STRN: variants seen among roughly 807,000 people sequenced by gnomAD.
The protein encoded by STRN is protein phosphatase 2 regulatory subunit B'''alpha.
STRN carries 53 observed loss-of-function variants against 96.3 expected under a neutral mutation model. The observed-to-expected ratio is 0.55, with a 90% CI of 0.44 to 0.69. The LOEUF (loss-of-function observed/expected upper bound fraction) is 0.69. STRN is among the 30% of genes least tolerant of loss of function. STRN has a pLI of 0.00. For missense variants in STRN, 987 were observed against 963.9 expected, an observed-to-expected ratio of 1.02 and a Z score of -0.32; for synonymous variants, 428 against 355.9, an observed-to-expected ratio of 1.20 and a Z score of -2.28.
chr2:36,861,098 T>C (rs1273691618), intron 13 of STRN, 34 bp downstream of exon 13: 1 of 1,604,244 alleles, frequency 6.2e-7, no homozygotes, highest in South Asian at 1.1e-5. Context: ...AAAAAACCAA[T>C]TTTATTCCTT....
Position 36,858,008 on chromosome 2 carries a change from C to A in STRN, c.1685G>T (p.Arg562Leu), listed in dbSNP as rs1388297865. The A allele has an allele frequency of 3.7e-6, 6 of 1,602,272 alleles. No individual in the cohort carries two copies. Among genetic ancestry groups the A allele is most frequent in the Non-Finnish European group, 3.4e-6 (4 of 1,173,390 alleles). ...ATCCGTGTGGCCTAGCAGAGGGCCT[C>A]GTAAAACAGAAGGATCTATACAAAA... The part of the protein sequence containing the change: ...PYDSYDPSVL[R>L]GPLLGHTDAV... Residue 562 changes from arginine (R) to leucine (L), a missense_variant, in exon 14 of 18, where the codon CGA becomes CTA. Coordinates refer to ENST00000263918, the MANE Select transcript of STRN (RefSeq NM_003162.4).
intron 1 of STRN, among the ~76,000 whole-genome samples, chr2:36,931,892 C>G (rs1235319480): frequency 6.6e-6 from 1 of 151,086 alleles, no homozygotes; most frequent in Admixed American, 6.6e-5. Flanking sequence ...GCAGTCATAG[C>G]TCACAGCAGC....
At chr2:36,893,424 A>T (rs1446204348) in intron 7 of STRN, among the ~76,000 whole-genome samples, 1 of 110,476 alleles carries the variant, frequency 9.1e-6, no homozygotes, top group Non-Finnish European at 2.0e-5. Flanking sequence ...GGTGTTTAAA[A>T]TATTTGATTT....
chr2:36,956,315 G>C (rs1424210198), intron 1 of STRN, among the ~76,000 whole-genome samples: 1 of 152,042 alleles, frequency 6.6e-6, no homozygotes, highest in Non-Finnish European at 1.5e-5. Context: ...AAACCTTACA[G>C]CGATCCTGCT....
At position 36,848,976 on chromosome 2, in the gene STRN, G is replaced by A. The variant is rs1331442780; in HGVS notation, c.*480C>T. ...ACACTGCCTGGTCATTATACACAAA[G>A]GGGTTAATATGGCAGATATGATAAA... On this transcript the variant is annotated 3_prime_UTR_variant, in exon 18 of 18. Coordinates refer to ENST00000263918, the MANE Select transcript of STRN (RefSeq NM_003162.4). 1.3e-5 allele frequency: 2 copies of A among 155,574 alleles called. No homozygotes were observed. Among genetic ancestry groups the A allele is most frequent in the Non-Finnish European group, 2.9e-5 (2 of 69,928 alleles). The allele number at this position is 155,574 out of a possible 1,614,324, so 9.6% of individuals were successfully genotyped here.
At chr2:36,963,877 A>T (rs1665088955) in intron 1 of STRN, among the ~76,000 whole-genome samples, 1 of 145,002 alleles carries the variant, frequency 6.9e-6, no homozygotes, top group Non-Finnish European at 1.6e-5. Context: ...GGATTGCTTA[A>T]ACTTGGGAGG....
At chr2:36,889,710 T>C (rs922078210) in intron 7 of STRN, among the ~76,000 whole-genome samples, 1 of 152,202 alleles carries the variant, frequency 6.6e-6, no homozygotes, top group South Asian at 2.1e-4. Flanking sequence ...ATTTGCAACC[T>C]AGTTTTGTTA....
intron 1 of STRN, among the ~76,000 whole-genome samples, chr2:36,957,916 A>C (rs1039722066): frequency 3.9e-5 from 5 of 128,454 alleles, no homozygotes; most frequent in African/African-American, 6.1e-5. Context: ...ACGCCCAGCT[A>C]ATTTTTTTTT....
chr2:36,891,881 A>T (rs1340605887), intron 7 of STRN, among the ~76,000 whole-genome samples: 2 of 152,234 alleles, frequency 1.3e-5, no homozygotes, highest in Admixed American at 1.3e-4. Flanking sequence ...CAGAATTTTT[A>T]AATGAATGAG....
At chr2:36,919,031 G>C (rs1670179845) in intron 2 of STRN, among the ~76,000 whole-genome samples, 1 of 152,162 alleles carries the variant, frequency 6.6e-6, no homozygotes, top group Admixed American at 6.5e-5. Context: ...AGTAATTTTA[G>C]CTTTGTTTCA....
intron 3 of STRN, among the ~76,000 whole-genome samples, chr2:36,910,295 AAC>A (rs1669933262): frequency 8.5e-6 from 1 of 117,610 alleles, no homozygotes; most frequent in African/African-American, 3.3e-5. Context: ...ATAATATGGA[AAC>A]ACAGATCTAC....
chr2:36,915,942 G>T, intron 3 of STRN, 136 bp downstream of exon 3: 1 of 717,782 alleles, frequency 1.4e-6, no homozygotes, highest in Non-Finnish European at 2.3e-6. Flanking sequence ...ACTAAATGGT[G>T]CCAAAAGACA....
chr2:36,920,024 A>G (rs1047069333), intron 2 of STRN, among the ~76,000 whole-genome samples: 17 of 152,352 alleles, frequency 1.1e-4, no homozygotes, highest in African/African-American at 3.8e-4. Context: ...AAATCTGCAA[A>G]AATCATGCAA....
At chr2:36,883,443 C>T (rs985073637) in intron 9 of STRN, among the ~76,000 whole-genome samples, 9 of 151,882 alleles carry the variant, frequency 5.9e-5, no homozygotes, top group African/African-American at 1.7e-4. Context: ...GGCGATAGAG[C>T]GAGACTCCAT....
At chr2:36,853,744 A>T (rs965539317) in intron 15 of STRN, among the ~76,000 whole-genome samples, 9 of 152,148 alleles carry the variant, frequency 5.9e-5, no homozygotes, top group Non-Finnish European at 8.8e-5. Context: ...TCATTTTTTT[A>T]AAAAAATATG....
chr2:36,919,227 T>C (rs1483096211), intron 2 of STRN, among the ~76,000 whole-genome samples: 2 of 151,990 alleles, frequency 1.3e-5, no homozygotes, highest in Non-Finnish European at 2.9e-5. Flanking sequence ...AAGGTGAGGG[T>C]ATGCGTAAGA....
At chr2:36,948,302 G>A (rs996817944) in intron 1 of STRN, among the ~76,000 whole-genome samples, 7 of 151,696 alleles carry the variant, frequency 4.6e-5, no homozygotes, top group South Asian at 2.1e-4. Context: ...GTTTCACCAT[G>A]TTGGCCAGGC....
intron 10 of STRN, 51 bp from the exon 11 acceptor site, chr2:36,869,780 G>GA: frequency 7.3e-7 from 1 of 1,368,248 alleles, no homozygotes; most frequent in Non-Finnish European, 9.6e-7. Flanking sequence ...AAGGATAGGG[G>GA]AAAAAACTTG....
chr2:36,937,258 C>T (rs1404231794), intron 1 of STRN, among the ~76,000 whole-genome samples: 1 of 149,496 alleles, frequency 6.7e-6, no homozygotes, highest in Non-Finnish European at 1.5e-5. Flanking sequence ...GCAGGAGAAT[C>T]GCATGAACCG....
Sources: gnomAD v4.1 joint callset for allele counts (sites outside exome capture counted in the v4.1 genomes callset) on GRCh38, gnomAD v4.1.1 for gene constraint, MANE v1.5 for transcripts, NCBI Gene and HGNC (gene_info 2026-07-23, HGNC 2026-07-21) for gene names.